RUNX2: variants seen among roughly 807,000 people sequenced by gnomAD.
The protein encoded by RUNX2 is RUNX family transcription factor 2, also known as runt-related transcription factor 2.
RUNX2 carries 10 observed loss-of-function variants against 51.7 expected under a neutral mutation model. The observed-to-expected ratio is 0.19, with a 90% CI of 0.12 to 0.33. The LOEUF is 0.33. Ranked by LOEUF, RUNX2 falls within the 10% of genes least tolerant of loss-of-function variation. The pLI is 1.00. For missense variants in RUNX2, 562 were observed against 691.3 expected, an observed-to-expected ratio of 0.81 and a Z score of 2.10; for synonymous variants, 276 against 273.6, an observed-to-expected ratio of 1.01 and a Z score of -0.09.
chr6:45,373,235 G>A (rs1429868616), intron 2 of RUNX2, among the ~76,000 whole-genome samples: 3 of 151,972 alleles, frequency 2.0e-5, no homozygotes, highest in Admixed American at 2.0e-4. Context: ...TGAAGTCACA[G>A]AGCCGGCCAC....
At position 45,342,270 on chromosome 6, in the gene RUNX2, A is replaced by AT. The variant is rs567988524; in HGVS notation, c.58+13496dup. On this transcript the variant is annotated intron_variant, in intron 2 of 8. Transcript: ENST00000647337. ...CTAAGTTATATATAACACAATCTCA[A>AT]TTTTTTTTTTGAGACAGTGTGTCGC... Among the ~76,000 whole-genome samples the AT allele has an allele frequency of 5.6e-3, 841 of 150,054 alleles. 8 individuals are homozygous for AT. The highest frequency in any genetic ancestry group is 7.6e-3 in the Non-Finnish European group (509 of 67,248).
chr6:45,463,176 C>A (rs1297772652), intron 5 of RUNX2, among the ~76,000 whole-genome samples: 3 of 152,110 alleles, frequency 2.0e-5, no homozygotes, highest in Admixed American at 6.5e-5. Context: ...TCTTTTTGGT[C>A]TTGTAAGCAC....
chr6:45,425,730 A>G (rs543851803), intron 3 of RUNX2, among the ~76,000 whole-genome samples: 95 of 152,362 alleles, frequency 6.2e-4, no homozygotes, highest in Middle Eastern at 6.8e-3. Context: ...CTATACTCTT[A>G]CAATATAATC....
chr6:45,514,503 A>C (rs1801260115), intron 7 of RUNX2, among the ~76,000 whole-genome samples: 1 of 152,096 alleles, frequency 6.6e-6, no homozygotes, highest in Non-Finnish European at 1.5e-5. Flanking sequence ...AACCCTTAAC[A>C]TTTCTGGAGT....
chr6:45,431,517 T>A (rs1044065742), intron 3 of RUNX2, among the ~76,000 whole-genome samples: 3 of 152,344 alleles, frequency 2.0e-5, no homozygotes, highest in South Asian at 4.1e-4. Flanking sequence ...TGCCTTGATC[T>A]GTATGATGCA....
intron 2 of RUNX2, among the ~76,000 whole-genome samples, chr6:45,371,428 A>AC (rs1053896029): frequency 1.5e-4 from 23 of 151,150 alleles, no homozygotes; most frequent in African/African-American, 5.4e-4. Context: ...ACCCTACAAG[A>AC]CAAGTATTCT....
chr6:45,548,966 C>A lies in RUNX2; in HGVS notation c.*1661C>A, dbSNP rs1024886897. On this transcript the variant is annotated 3_prime_UTR_variant, in exon 9 of 9. Transcript: ENST00000647337. Reference sequence around the variant, plus strand: ...CCAGCAGGTAGCTGAGCTGAGAGGACATATGGCCCACGGGGACCTACAGAC... The same window carrying A: ...CCAGCAGGTAGCTGAGCTGAGAGGAAATATGGCCCACGGGGACCTACAGAC... 5.8e-5 allele frequency: 23 copies of A among 396,268 alleles called. No individual in the cohort carries two copies. The highest frequency in any genetic ancestry group is 8.9e-5 in the Non-Finnish European group (20 of 224,888). 24.5% of individuals were successfully genotyped at this position (396,268 alleles called of 1,614,324 possible).
chr6:45,360,963 T>C (rs1047542665), intron 2 of RUNX2, among the ~76,000 whole-genome samples: 16 of 152,114 alleles, frequency 1.1e-4, no homozygotes, highest in African/African-American at 3.4e-4. Context: ...GTTCCTGCCA[T>C]ATAATAAGGA....
chr6:45,429,887 G>A (rs1370682174), intron 3 of RUNX2, among the ~76,000 whole-genome samples: 1 of 151,868 alleles, frequency 6.6e-6, no homozygotes, highest in East Asian at 1.9e-4. Context: ...TGAGGTCAGG[G>A]GTTCAAGACC....
chr6:45,454,580 C>T (rs7740986), intron 5 of RUNX2, among the ~76,000 whole-genome samples: 2,708 of 152,242 alleles, frequency 0.018, 84 homozygotes, highest in African/African-American at 0.062. Flanking sequence ...GTGGCATTTC[C>T]GGCTAATTTA....
intron 5 of RUNX2, among the ~76,000 whole-genome samples, chr6:45,449,663 A>G (rs1298330072): frequency 6.6e-6 from 1 of 152,228 alleles, no homozygotes; most frequent in Non-Finnish European, 1.5e-5. Flanking sequence ...GCTGAATAGT[A>G]CAGAAGTCAA....
intron 2 of RUNX2, among the ~76,000 whole-genome samples, chr6:45,417,041 A>G (rs1582088490): frequency 6.6e-6 from 1 of 152,262 alleles, no homozygotes; most frequent in Non-Finnish European, 1.5e-5. Flanking sequence ...CTTAAAACAA[A>G]TCAGACAGTA....
intron 3 of RUNX2, 142 bp from the exon 4 acceptor site, chr6:45,431,721 A>G (rs2819856): frequency 0.024 from 22,360 of 949,278 alleles, 344 homozygotes; most frequent in Non-Finnish European, 0.031. Context: ...CCATACACAG[A>G]TGCTTCATTC....
chr6:45,465,866 G>A (rs539172627), intron 5 of RUNX2, among the ~76,000 whole-genome samples: 8 of 150,350 alleles, frequency 5.3e-5, no homozygotes, highest in South Asian at 2.1e-4. Flanking sequence ...GGCTGGTTTC[G>A]AACTGCTGGA....
intron 7 of RUNX2, among the ~76,000 whole-genome samples, chr6:45,519,921 A>T (rs1034218557): frequency 6.6e-6 from 1 of 151,652 alleles, no homozygotes; most frequent in Admixed American, 6.6e-5. Context: ...TCTGCCTCCC[A>T]GATTCAAGCA....
At chr6:45,545,012 T>C (rs917758382) in intron 7 of RUNX2, among the ~76,000 whole-genome samples, 1 of 152,028 alleles carries the variant, frequency 6.6e-6, no homozygotes, top group Admixed American at 6.5e-5. Context: ...ATCTTGAAAG[T>C]GTTTGCTTCT....
intron 5 of RUNX2, among the ~76,000 whole-genome samples, chr6:45,455,369 T>A (rs1799291206): frequency 6.6e-6 from 1 of 152,224 alleles, no homozygotes; most frequent in South Asian, 2.1e-4. Flanking sequence ...CTAATGTTGA[T>A]ATTTAGATGC....
chr6:45,394,960 G>C (rs994775498), intron 2 of RUNX2, among the ~76,000 whole-genome samples: 8 of 152,134 alleles, frequency 5.3e-5, no homozygotes, highest in East Asian at 1.9e-4. Flanking sequence ...GGGTGTGTGT[G>C]GGGGGGAGGC....
At chr6:45,495,891 AC>A (rs1800629722) in intron 6 of RUNX2, among the ~76,000 whole-genome samples, 1 of 152,192 alleles carries the variant, frequency 6.6e-6, no homozygotes, top group African/African-American at 2.4e-5. Context: ...TTTCCACATA[AC>A]TTCAGTCTGA....
Sources: allele counts gnomAD v4.1 joint callset (sites outside exome capture counted in the v4.1 genomes callset), GRCh38; gene constraint gnomAD v4.1.1; transcripts MANE v1.5; gene names NCBI Gene and HGNC (gene_info 2026-07-23, HGNC 2026-07-21).